Variants in MEF2C observed in about 807,000 individuals in gnomAD.
MEF2C encodes the protein myocyte-specific enhancer factor 2C.
MEF2C carries 6 observed loss-of-function variants against 50.5 expected under a neutral mutation model. That is an observed-to-expected ratio of 0.12 (90% CI 0.07 to 0.23). MEF2C has a LOEUF of 0.23. MEF2C is among the 10% of genes least tolerant of loss of function. The pLI is 1.00. For missense variants in MEF2C, 276 were observed against 605.0 expected, an observed-to-expected ratio of 0.46 and a Z score of 5.70; for synonymous variants, 183 against 228.0, an observed-to-expected ratio of 0.80 and a Z score of 1.78.
chr5:88,869,270 T>C (rs1293185639), intron 1 of MEF2C, among the ~76,000 whole-genome samples: 3 of 54,584 alleles, frequency 5.5e-5, no homozygotes, highest in East Asian at 4.9e-4. Flanking sequence ...TATATATATA[T>C]ATATATACAT....
intron 3 of MEF2C, among the ~76,000 whole-genome samples, chr5:88,764,407 G>A (rs905238656): frequency 2.6e-5 from 4 of 152,130 alleles, no homozygotes; most frequent in African/African-American, 9.7e-5. Flanking sequence ...ACAGTGTGGG[G>A]CCTGACTTTC....
In MEF2C at chr5:88,734,571, T is replaced by TG. The variant is rs1763201662; in HGVS notation, c.638-2671_638-2670insC. ...GAGGCCTTGAGAAAAGTTTGTTTTT[T>TG]TTTTTTTTTTTTTTTTTTTTTTTTT... On this transcript the variant is annotated intron_variant, in intron 6 of 10. Coordinates refer to ENST00000504921, the MANE Select transcript of MEF2C (RefSeq NM_002397.5). 1.2e-5 allele frequency: 6 copies of TG among 481,200 alleles called. No homozygotes were observed. In the African/African-American group the frequency reaches 1.4e-4, roughly 11 times the overall value. The allele number at this position is 481,200 out of a possible 1,614,324, so 29.8% of individuals were successfully genotyped here.
At chr5:88,763,559 A>G (rs1778735146) in intron 3 of MEF2C, among the ~76,000 whole-genome samples, 1 of 152,108 alleles carries the variant, frequency 6.6e-6, no homozygotes, top group Non-Finnish European at 1.5e-5. Flanking sequence ...TTTCATTAGA[A>G]TTCATTTGTA....
intron 10 of MEF2C, among the ~76,000 whole-genome samples, chr5:88,723,268 C>T (rs1250828830): frequency 6.6e-6 from 1 of 152,210 alleles, no homozygotes; most frequent in Non-Finnish European, 1.5e-5. Context: ...TATCCCTAGA[C>T]TAGTTCTAAA....
At chr5:88,755,995 GATA>G (rs1270889285) in intron 4 of MEF2C, among the ~76,000 whole-genome samples, 3 of 152,142 alleles carry the variant, frequency 2.0e-5, no homozygotes, top group Non-Finnish European at 4.4e-5. Flanking sequence ...ACAACTGGAT[GATA>G]ATGATTATTA....
At chr5:88,874,272 T>C (rs1359191206) in intron 1 of MEF2C, among the ~76,000 whole-genome samples, 2 of 151,984 alleles carry the variant, frequency 1.3e-5, no homozygotes, top group Non-Finnish European at 2.9e-5. Flanking sequence ...TGTTCAATAG[T>C]TGAAACTTTA....
At chr5:88,789,536 G>A (rs1020520441) in intron 3 of MEF2C, among the ~76,000 whole-genome samples, 2 of 151,836 alleles carry the variant, frequency 1.3e-5, no homozygotes, top group East Asian at 1.9e-4. Context: ...TGTTTACAAC[G>A]TTTCTTACCC....
intron 3 of MEF2C, chr5:88,771,612 AAT>A: frequency 1.0e-6 from 1 of 985,406 alleles, no homozygotes; most frequent in Non-Finnish European, 1.2e-6. Flanking sequence ...GGGCTTGGGT[AAT>A]ATGTGTGGAC....
In MEF2C at chr5:88,734,812, C is replaced by A. The variant is rs1581456363; in HGVS notation, c.638-2911G>T. On this transcript the variant is annotated intron_variant, in intron 6 of 10. Transcript: ENST00000504921. Reference sequence around the variant, plus strand: ...ATTTCCTGTTATTTGGAAATTACGCCATTTTAGAAGATTAGTCACATATTT... The same window carrying A: ...ATTTCCTGTTATTTGGAAATTACGCAATTTTAGAAGATTAGTCACATATTT... The A allele has an allele frequency of 3.1e-6, 3 of 979,162 alleles. No homozygotes were observed. In the South Asian group the frequency reaches 1.4e-4, roughly 46 times the overall value. The allele number at this position is 979,162 out of a possible 1,614,324, so 60.7% of individuals were successfully genotyped here.
intron 1 of MEF2C, among the ~76,000 whole-genome samples, chr5:88,831,698 T>C (rs575565456): frequency 1.8e-4 from 28 of 152,192 alleles, no homozygotes; most frequent in African/African-American, 6.5e-4. Flanking sequence ...TATAATACTA[T>C]CTCTCAAAAT....
intron 1 of MEF2C, among the ~76,000 whole-genome samples, chr5:88,903,737 A>C (rs1582072338): frequency 1.3e-5 from 2 of 152,298 alleles, no homozygotes; most frequent in East Asian, 3.9e-4. Flanking sequence ...AAACCTAAAA[A>C]ATTGTTATAT....
At position 88,735,752 on chromosome 5, in the gene MEF2C, C is replaced by T. The variant is rs1763809705; in HGVS notation, c.638-3851G>A. On this transcript the variant is annotated intron_variant, in intron 6 of 10. Coordinates refer to ENST00000504921, the MANE Select transcript of MEF2C (RefSeq NM_002397.5). ...ACACTTGCTGCATTTTTTTTATTGA[C>T]TCCTATTTTAAGAAGTCGTAAATTC... is the stretch of plus-strand genomic sequence containing the variant. The T allele has an allele frequency of 9.1e-6, 9 of 985,134 alleles. No individual in the cohort carries two copies. The African/African-American group carries it at 1.2e-4, about 13-fold the overall frequency. The allele number at this position is 985,134 out of a possible 1,614,324, so 61.0% of individuals were successfully genotyped here.
chr5:88,843,156 G>A, intron 1 of MEF2C: 1 of 214,238 alleles, frequency 4.7e-6, no homozygotes, highest in Non-Finnish European at 8.0e-6. Flanking sequence ...TCATTTTTGG[G>A]AGGGATGAAG....
chr5:88,759,926 T>C (rs1458408886), intron 4 of MEF2C, among the ~76,000 whole-genome samples: 1 of 152,260 alleles, frequency 6.6e-6, no homozygotes, highest in Non-Finnish European at 1.5e-5. Context: ...GTGAGTGCAG[T>C]TGTGAATTTG....
chr5:88,829,950 T>C (rs926248562), intron 1 of MEF2C, among the ~76,000 whole-genome samples: 2 of 152,036 alleles, frequency 1.3e-5, no homozygotes, highest in African/African-American at 2.4e-5. Context: ...GCTGCTCGTA[T>C]GATTGCTTCC....
At chr5:88,881,035 C>T (rs1377645644) in intron 1 of MEF2C, 1 of 151,846 alleles carries the variant, frequency 6.6e-6, no homozygotes, top group Non-Finnish European at 1.5e-5. Flanking sequence ...GAAAAAAAGT[C>T]AAACATTCGA....
At chr5:88,731,688 A>C in intron 7 of MEF2C, 41 bp downstream of exon 7, 1 of 1,558,332 alleles carries the variant, frequency 6.4e-7, no homozygotes, top group Non-Finnish European at 8.8e-7. Flanking sequence ...AACATATACA[A>C]AACATTATCA....
intron 3 of MEF2C, chr5:88,772,700 C>A (rs1015946863): frequency 2.0e-6 from 2 of 981,364 alleles, no homozygotes; most frequent in Admixed American, 1.2e-4. Context: ...ACATTCAAAT[C>A]TTTTTAAAAT....
intron 3 of MEF2C, among the ~76,000 whole-genome samples, chr5:88,803,972 C>T (rs555624723): frequency 1.7e-3 from 258 of 152,198 alleles, no homozygotes; most frequent in Middle Eastern, 0.01. Flanking sequence ...ACTGAGCTAA[C>T]ATTTAGAAAT....
Sources: gnomAD v4.1 joint callset for allele counts (sites outside exome capture counted in the v4.1 genomes callset) on GRCh38, gnomAD v4.1.1 for gene constraint, MANE v1.5 for transcripts, NCBI Gene and HGNC (gene_info 2026-07-23, HGNC 2026-07-21) for gene names.